The following RCSD1 variants were observed in gnomAD, a reference collection of about 807,000 sequenced individuals.
RCSD1 encodes capZ-interacting protein.
Under a neutral mutation model 42.5 loss-of-function variants are expected in RCSD1, and 26 were observed. That is an observed-to-expected ratio of 0.61 (90% CI 0.45 to 0.85). RCSD1 has a LOEUF of 0.85. Among genes scored for constraint, RCSD1 ranks in the 40% least tolerant of loss-of-function variants. RCSD1 has a pLI of 0.00. For missense variants in RCSD1, 571 were observed against 528.3 expected (o/e 1.08, Z -0.79); for synonymous variants, 220 against 212.2 (o/e 1.04, Z -0.32).
chr1:167,650,571 T>C (rs1658276436), intron 1 of RCSD1, among the ~76,000 whole-genome samples: 1 of 152,190 alleles, frequency 6.6e-6, no homozygotes, highest in South Asian at 2.1e-4. Context: ...GCCTGTGCTC[T>C]CTAACCAGAA....
intron 6 of RCSD1, among the ~76,000 whole-genome samples, chr1:167,702,900 C>A (rs1659676799): frequency 6.6e-6 from 1 of 152,120 alleles, no homozygotes; most frequent in Admixed American, 6.6e-5. Context: ...ACTAACTTAC[C>A]CAAACAAAGA....
At chr1:167,639,483 G>GT (rs993817659) in intron 1 of RCSD1, among the ~76,000 whole-genome samples, 18 of 148,948 alleles carry the variant, frequency 1.2e-4, no homozygotes, top group East Asian at 1.2e-3. Flanking sequence ...CATTCTCATT[G>GT]TTTTTTTTTT....
intron 1 of RCSD1, among the ~76,000 whole-genome samples, chr1:167,668,203 TG>T (rs1352305658): frequency 2.6e-5 from 4 of 151,982 alleles, no homozygotes; most frequent in Non-Finnish European, 5.9e-5. Flanking sequence ...GAGAATCGCT[TG>T]AACCTGGCAG....
chr1:167,697,478 C>A lies in RCSD1; in HGVS notation c.854C>A (p.Pro285His), dbSNP rs1659528842. The A allele has an allele frequency of 1.2e-6, 2 of 1,609,764 alleles. No individual in the cohort carries two copies. Among genetic ancestry groups the A allele is most frequent in the South Asian group, 2.2e-5 (2 of 90,390 alleles). The change falls in exon 6 of 7, where the codon CCC becomes CAC. Residue 285 changes from proline (P) to histidine (H), a missense_variant. Pro to His is a moderately conservative substitution (Grantham distance 77). Transcript: ENST00000367854. ...HPAQEEVPESPQTSGPEAENR... is the reference protein window; with the variant it reads ...HPAQEEVPESHQTSGPEAENR... ...GCCCAAGAGGAGGTCCCGGAATCGC[C>A]CCAGACCTCTGGCCCAGAGGCAGAA... is the stretch of plus-strand genomic sequence containing the variant.
Position 167,707,843 on chromosome 1 carries a change from C to T in RCSD1, c.*3147C>T, listed in dbSNP as rs1238033620. Reference sequence around the variant, plus strand: ...CCTAATAGCTCGGATTACAAGTATGCACCACCATGCCCAGCTAATTTTTGT... The same window carrying T: ...CCTAATAGCTCGGATTACAAGTATGTACCACCATGCCCAGCTAATTTTTGT... On this transcript the variant is annotated 3_prime_UTR_variant, in exon 7 of 7. Coordinates refer to ENST00000367854, the MANE Select transcript of RCSD1 (RefSeq NM_052862.4). Among the ~76,000 whole-genome samples, 2 of 152,182 alleles carry T rather than the reference C, an allele frequency of 1.3e-5. No homozygotes were observed. Among genetic ancestry groups the T allele is most frequent in the Admixed American group, 1.3e-4 (2 of 15,280 alleles).
At chr1:167,700,456 G>A (rs537229340) in intron 6 of RCSD1, among the ~76,000 whole-genome samples, 2 of 152,164 alleles carry the variant, frequency 1.3e-5, no homozygotes, top group East Asian at 3.9e-4. Context: ...AGACCATCCT[G>A]GCTAACACAG....
At chr1:167,636,774 T>C (rs1657867729) in intron 1 of RCSD1, among the ~76,000 whole-genome samples, 1 of 152,098 alleles carries the variant, frequency 6.6e-6, no homozygotes, top group African/African-American at 2.4e-5. Context: ...TTAGTAGAGA[T>C]GAGGTTTCAC....
Position 167,630,273 on chromosome 1 carries a change from G to C in RCSD1, c.-151G>C. ...CCGCGGCCGGGGCAGTCCCGCAGCC[G>C]AGCGCAGCCGGGCGCGCGCCACCGC... On this transcript the variant is annotated 5_prime_UTR_variant, in exon 1 of 7. Coordinates refer to ENST00000367854, the MANE Select transcript of RCSD1 (RefSeq NM_052862.4). 1.7e-6 allele frequency: 1 copy of C among 602,978 alleles called. No homozygotes were observed. Among genetic ancestry groups the C allele is most frequent in the East Asian group, 1.2e-4 (1 of 8,296 alleles). The allele number at this position is 602,978 out of a possible 1,614,324, so 37.4% of individuals were successfully genotyped here.
intron 1 of RCSD1, among the ~76,000 whole-genome samples, chr1:167,672,655 G>A (rs538625097): frequency 2.6e-5 from 4 of 152,108 alleles, no homozygotes; most frequent in Non-Finnish European, 5.9e-5. Context: ...GATAATATGG[G>A]AGCCACTGAA....
At chr1:167,673,154 A>G (rs1254697105) in intron 1 of RCSD1, among the ~76,000 whole-genome samples, 1 of 152,212 alleles carries the variant, frequency 6.6e-6, no homozygotes, top group East Asian at 1.9e-4. Context: ...CATATGAAAG[A>G]TAGCAATAAG....
Position 167,685,501 on chromosome 1 carries a change from T to C in RCSD1, c.189T>C (p.Asn63=), listed in dbSNP as rs1325701731. The C allele has an allele frequency of 5.0e-6, 8 of 1,613,354 alleles. No homozygotes were observed. The highest frequency in any genetic ancestry group is 6.8e-6 in the Non-Finnish European group (8 of 1,179,632). ...LFPPKVDLGQ[N]GEEKSPPNAS... ...CCCCCAAGGTAGACCTGGGCCAGAA[T>C]GGTGAGGAGGTAAGTGCTGCTGTTG... The change falls in exon 3 of 7, where the codon AAT becomes AAC. Residue 63 remains asparagine (N), a synonymous_variant. Coordinates refer to ENST00000367854, the MANE Select transcript of RCSD1 (RefSeq NM_052862.4).
At chr1:167,701,149 A>C (rs1157313295) in intron 6 of RCSD1, among the ~76,000 whole-genome samples, 3 of 152,176 alleles carry the variant, frequency 2.0e-5, no homozygotes, top group East Asian at 3.9e-4. Context: ...CAGATGGAGA[A>C]AGAGTAGCTC....
intron 1 of RCSD1, among the ~76,000 whole-genome samples, chr1:167,637,624 T>C (rs1657892568): frequency 6.6e-6 from 1 of 152,100 alleles, no homozygotes; most frequent in Non-Finnish European, 1.5e-5. Flanking sequence ...AGAAGTTGAT[T>C]TGAAATAGGC....
intron 1 of RCSD1, among the ~76,000 whole-genome samples, chr1:167,673,733 T>G (rs895971516): frequency 6.6e-6 from 1 of 152,250 alleles, no homozygotes; most frequent in African/African-American, 2.4e-5. Context: ...TTAGACCATA[T>G]TGAACTAAAG....
At position 167,705,260 on chromosome 1, in the gene RCSD1, A is replaced by G. The variant is rs1486286425; in HGVS notation, c.*564A>G. 1 of 152,274 alleles carries G rather than the reference A, an allele frequency of 6.6e-6. No individual in the cohort carries two copies. Among genetic ancestry groups the G allele is most frequent in the Non-Finnish European group, 1.5e-5 (1 of 68,124 alleles). 9.4% of individuals were successfully genotyped at this position (152,274 alleles called of 1,614,324 possible). On this transcript the variant is annotated 3_prime_UTR_variant, in exon 7 of 7. Transcript: ENST00000367854. ...TCAAAACCCTAGAGACAACTTTTCA[A>G]TTTGATCCAAATTTGAACTGGCCAA...
intron 1 of RCSD1, among the ~76,000 whole-genome samples, chr1:167,660,806 T>A (rs891085624): frequency 3.3e-5 from 5 of 152,180 alleles, no homozygotes; most frequent in Non-Finnish European, 5.9e-5. Flanking sequence ...ATACCCTGGT[T>A]TCATATTTCC....
intron 1 of RCSD1, among the ~76,000 whole-genome samples, chr1:167,644,519 A>G (rs1166065593): frequency 6.6e-6 from 1 of 151,958 alleles, no homozygotes; most frequent in Admixed American, 6.6e-5. Context: ...ATACATACAT[A>G]CATACATACA....
intron 1 of RCSD1, among the ~76,000 whole-genome samples, chr1:167,653,177 C>T (rs1361632142): frequency 6.6e-6 from 1 of 152,208 alleles, no homozygotes; most frequent in Non-Finnish European, 1.5e-5. Flanking sequence ...TTATTAATGA[C>T]TGTCAATGTC....
intron 1 of RCSD1, among the ~76,000 whole-genome samples, chr1:167,681,413 C>T (rs954765321): frequency 4.6e-5 from 7 of 152,112 alleles, no homozygotes; most frequent in African/African-American, 1.4e-4. Context: ...TGCCAAGCTT[C>T]GACAAGCTCT....
Sources: allele counts gnomAD v4.1 joint callset (sites outside exome capture counted in the v4.1 genomes callset), GRCh38; gene constraint gnomAD v4.1.1; transcripts MANE v1.5; gene names NCBI Gene and HGNC (gene_info 2026-07-23, HGNC 2026-07-21).